FGF5: variants seen among roughly 807,000 people sequenced by gnomAD.
FGF5 encodes heparin-binding growth factor 5.
A neutral mutation model predicts 21.8 loss-of-function variants in FGF5; 23 were observed. That is an observed-to-expected ratio of 1.05 (90% CI 0.76 to 1.49). The LOEUF is 1.49. FGF5 is among the 40% of genes most tolerant of loss of function. The pLI is 0.00. For missense variants in FGF5, 352 were observed against 332.9 expected (o/e 1.06, Z -0.45); for synonymous variants, 158 against 124.0 (o/e 1.27, Z -1.82).
At chr4:80,274,797 C>CT (rs1180070205) in intron 1 of FGF5, 112 bp from the exon 2 acceptor site, 3 of 602,378 alleles carry the variant, frequency 5.0e-6, no homozygotes, top group South Asian at 2.2e-5. Context: ...ATACTAAGTT[C>CT]TTTTTTAAAA....
chr4:80,283,469 T>C (rs1720612901), intron 2 of FGF5, among the ~76,000 whole-genome samples: 2 of 152,072 alleles, frequency 1.3e-5, no homozygotes, highest in Non-Finnish European at 2.9e-5. Context: ...ATATGAAAGA[T>C]CCTAAAATGG....
rs1324918778 is a variant in FGF5 at position 80,274,964 on chromosome 4, C to T, written c.411C>T (p.Phe137=). Residue 137 remains phenylalanine, a synonymous_variant, in exon 2 of 3, where the codon TTC becomes TTT. Transcript: ENST00000312465. The part of the protein sequence containing the change: ...SQGIVGIRGV[F]SNKFLAMSKK... ...GGATTGTAGGAATACGAGGAGTTTT[C>T]AGCAACAAATTTTTAGCGATGTCAA... is the stretch of plus-strand genomic sequence containing the variant. 2 of 1,599,560 alleles carry T rather than the reference C, an allele frequency of 1.3e-6. No homozygotes were observed. Among genetic ancestry groups the T allele is most frequent in the Non-Finnish European group, 1.7e-6 (2 of 1,170,830 alleles).
intron 2 of FGF5, among the ~76,000 whole-genome samples, chr4:80,284,492 A>G (rs1211576798): frequency 1.3e-5 from 2 of 152,140 alleles, no homozygotes; most frequent in Non-Finnish European, 2.9e-5. Context: ...CAAACAAAAA[A>G]TACTTGCCTT....
In FGF5 at chr4:80,275,029, T is replaced by C. The variant is rs1367246838; in HGVS notation, c.459+17T>C. 9.1e-7 allele frequency: 1 copy of C among 1,096,732 alleles called. No individual in the cohort carries two copies. Among genetic ancestry groups the C allele is most frequent in the East Asian group, 2.5e-5 (1 of 40,358 alleles). The allele number at this position is 1,096,732 out of a possible 1,614,324, so 67.9% of individuals were successfully genotyped here. A position where few individuals can be genotyped will look rare whatever the true frequency, so the allele number is the denominator to read the frequency against. ...CATGCAAGTGTAAGTAGAACCACTT[T>C]ATATTTGTTAAAGGTGCTATAAAGA... On this transcript the variant is annotated intron_variant, in intron 2 of 2. Coordinates refer to ENST00000312465, the MANE Select transcript of FGF5 (RefSeq NM_004464.4).
intron 2 of FGF5, among the ~76,000 whole-genome samples, chr4:80,282,316 G>T (rs368075693): frequency 6.6e-6 from 1 of 151,786 alleles, no homozygotes; most frequent in South Asian, 2.1e-4. Flanking sequence ...TAATAATCTG[G>T]ATATTCAAGA....
intron 2 of FGF5, among the ~76,000 whole-genome samples, chr4:80,281,418 A>C (rs1720552292): frequency 1.3e-5 from 2 of 152,202 alleles, no homozygotes. Context: ...ATTTAATAAT[A>C]TTAGTCTATA....
chr4:80,267,194 C>A lies in FGF5; in HGVS notation c.355+15C>A. ...CAATATGTTAAGTAAGTTACTCGCTCTCCTACAAAACCCGTCCTAGGCGGC... is the reference window on the plus strand; with the variant it reads ...CAATATGTTAAGTAAGTTACTCGCTATCCTACAAAACCCGTCCTAGGCGGC... On this transcript the variant is annotated intron_variant, in intron 1 of 2. Coordinates refer to ENST00000312465, the MANE Select transcript of FGF5 (RefSeq NM_004464.4). 6.3e-7 allele frequency: 1 copy of A among 1,576,728 alleles called. No homozygotes were observed. Among genetic ancestry groups the A allele is most frequent in the Admixed American group, 1.8e-5 (1 of 57,118 alleles).
At chr4:80,268,981 T>C (rs716678) in intron 1 of FGF5, among the ~76,000 whole-genome samples, 26,850 of 152,200 alleles carry the variant, frequency 0.18, 3,613 homozygotes, top group African/African-American at 0.38. Context: ...TCAACGGTCT[T>C]TTGACTCCAT....
At chr4:80,270,785 T>C (rs995131091) in intron 1 of FGF5, among the ~76,000 whole-genome samples, 1 of 152,334 alleles carries the variant, frequency 6.6e-6, no homozygotes, top group African/African-American at 2.4e-5. Flanking sequence ...TTACATAAAA[T>C]ATGAAAATTC....
At chr4:80,267,847 A>G (rs1434695020) in intron 1 of FGF5, among the ~76,000 whole-genome samples, 1 of 152,128 alleles carries the variant, frequency 6.6e-6, no homozygotes, top group African/African-American at 2.4e-5. Flanking sequence ...AGAAAACTGG[A>G]CGCGTTTAGA....
Position 80,290,054 on chromosome 4 carries a change from T to C in FGF5, c.*3382T>C, listed in dbSNP as rs1411450514. ...AAGGGAGGGAATAAATCATGACTTA[T>C]CCCATTTTCAATAACAAAACGAAAC... is the stretch of plus-strand genomic sequence containing the variant. On this transcript the variant is annotated 3_prime_UTR_variant, in exon 3 of 3. Transcript: ENST00000312465. 2.0e-5 allele frequency: 3 copies of C among 152,118 alleles called. No homozygotes were observed. Among genetic ancestry groups the C allele is most frequent in the Non-Finnish European group, 2.9e-5 (2 of 68,010 alleles). The allele number at this position is 152,118 out of a possible 1,614,324, so 9.4% of individuals were successfully genotyped here.
At chr4:80,284,656 G>A (rs936038067) in intron 2 of FGF5, among the ~76,000 whole-genome samples, 5 of 152,174 alleles carry the variant, frequency 3.3e-5, no homozygotes, top group African/African-American at 7.2e-5. Context: ...TGAATGTGCT[G>A]TTGGAAATGC....
At chr4:80,267,369 T>C (rs533679296) in intron 1 of FGF5, among the ~76,000 whole-genome samples, 190 bp downstream of exon 1, 1 of 152,306 alleles carries the variant, frequency 6.6e-6, no homozygotes, top group South Asian at 2.1e-4. Context: ...CGCACCCCTC[T>C]CCTGGGCATG....
Position 80,286,491 on chromosome 4 carries a change from A to G in FGF5, c.626A>G (p.Gln209Arg), listed in dbSNP as rs200918179. ...KRGCSPRVKP[Q>R]HISTHFLPRF... Reference sequence around the variant, plus strand: ...GGGTGCAGCCCCCGGGTTAAACCCCAGCATATCTCTACCCATTTTCTGCCA... The same window carrying G: ...GGGTGCAGCCCCCGGGTTAAACCCCGGCATATCTCTACCCATTTTCTGCCA... Residue 209 changes from glutamine (Q) to arginine (R), a missense_variant, in exon 3 of 3, where the codon CAG (glutamine) becomes CGG (arginine). Physicochemically the swap from Gln to Arg is conservative, Grantham distance 43. Coordinates refer to ENST00000312465, the MANE Select transcript of FGF5 (RefSeq NM_004464.4). 3.9e-4 allele frequency: 635 copies of G among 1,614,092 alleles called. No homozygotes were observed. Among genetic ancestry groups the G allele is most frequent in the Admixed American group, 5.8e-4 (35 of 59,980 alleles).
chr4:80,285,020 C>A (rs1720668877), intron 2 of FGF5, among the ~76,000 whole-genome samples: 1 of 152,088 alleles, frequency 6.6e-6, no homozygotes, highest in African/African-American at 2.4e-5. Context: ...ATTCTTAATT[C>A]TTTGGGGGTT....
Position 80,286,861 on chromosome 4 carries a change from A to G in FGF5, c.*189A>G, listed in dbSNP as rs968259220. 1.6e-5 allele frequency: 9 copies of G among 577,676 alleles called. No individual in the cohort carries two copies. The highest frequency in any genetic ancestry group is 1.5e-4 in the African/African-American group (8 of 53,554). 35.8% of individuals were successfully genotyped at this position (577,676 alleles called of 1,614,324 possible). On this transcript the variant is annotated 3_prime_UTR_variant, in exon 3 of 3. Coordinates refer to ENST00000312465, the MANE Select transcript of FGF5 (RefSeq NM_004464.4). Reference sequence around the variant, plus strand: ...TAGGAAGGAAACTGGAATTCTTTGTACTAATACAGGGAGCACACTCCTTCA... The same window carrying G: ...TAGGAAGGAAACTGGAATTCTTTGTGCTAATACAGGGAGCACACTCCTTCA...
chr4:80,287,270 T>G lies in FGF5; in HGVS notation c.*598T>G, dbSNP rs1720763163. The G allele has an allele frequency of 6.6e-6, 1 of 152,216 alleles. No individual in the cohort carries two copies. The highest frequency in any genetic ancestry group is 1.5e-5 in the Non-Finnish European group (1 of 68,050). 9.4% of individuals were successfully genotyped at this position (152,216 alleles called of 1,614,324 possible). A position where few individuals can be genotyped will look rare whatever the true frequency, so the allele number is the denominator to read the frequency against. On this transcript the variant is annotated 3_prime_UTR_variant, in exon 3 of 3. Coordinates refer to ENST00000312465, the MANE Select transcript of FGF5 (RefSeq NM_004464.4). ...TCACTGCACTTTTTTATTGTTTTTA[T>G]TTCTAGCCATACCTCAGATAATATG...
rs1358449271 is a variant in FGF5, at chr4:80,266,981, G to T, written c.157G>T (p.Ala53Ser). 6.2e-7 allele frequency: 1 copy of T among 1,614,242 alleles called. No individual in the cohort carries two copies. Among genetic ancestry groups the T allele is most frequent in the Non-Finnish European group, 8.5e-7 (1 of 1,180,044 alleles). ...GSSSRQSSSSAMSSSSASSSP... is the reference protein window; with the variant it reads ...GSSSRQSSSSSMSSSSASSSP... ...CAGCAGCAGACAGAGCAGCAGTAGC[G>T]CTATGTCTTCCTCTTCTGCCTCCTC... The change falls in exon 1 of 3, where the codon GCT becomes TCT. Residue 53 changes from alanine to serine, a missense_variant. By Grantham distance (99) the Ala-to-Ser change is moderately conservative (BLOSUM62 1). Transcript: ENST00000312465.
chr4:80,273,326 T>A (rs1233719001), intron 1 of FGF5, among the ~76,000 whole-genome samples: 1 of 152,112 alleles, frequency 6.6e-6, no homozygotes, highest in Non-Finnish European at 1.5e-5. Flanking sequence ...ATCTATTTTT[T>A]AAATAAGCTG....
Sources: gnomAD v4.1 joint callset for allele counts (sites outside exome capture counted in the v4.1 genomes callset) on GRCh38, gnomAD v4.1.1 for gene constraint, MANE v1.5 for transcripts, NCBI Gene and HGNC (gene_info 2026-07-23, HGNC 2026-07-21) for gene names.